Variants in TMEM117 observed in about 807,000 individuals in gnomAD.
TMEM117 encodes the protein transmembrane protein 117.
A neutral mutation model predicts 52.4 loss-of-function variants in TMEM117; 27 were observed. That is an observed-to-expected ratio of 0.51 (90% confidence interval 0.38 to 0.71). The LOEUF (loss-of-function observed/expected upper bound fraction) is 0.71. Ranked by LOEUF, TMEM117 falls within the 30% of genes least tolerant of loss-of-function variation. The pLI, the probability that TMEM117 is intolerant of heterozygous loss-of-function variation, is 0.00. For synonymous variants in TMEM117, 215 were observed against 206.3 expected (o/e 1.04, Z -0.36); for missense variants, 556 against 630.5 (o/e 0.88, Z 1.26).
intron 6 of TMEM117, among the ~76,000 whole-genome samples, chr12:44,300,367 G>A (rs1950824545): frequency 6.6e-6 from 1 of 152,220 alleles, no homozygotes; most frequent in African/African-American, 2.4e-5. Context: ...GAATGGGGCA[G>A]AAAGAGACAC....
At chr12:44,289,378 A>G (rs1423524447) in intron 5 of TMEM117, among the ~76,000 whole-genome samples, 1 of 151,980 alleles carries the variant, frequency 6.6e-6, no homozygotes, top group Admixed American at 6.6e-5. Flanking sequence ...TCATCAAGAT[A>G]CTGACTTAAT....
chr12:43,947,240 CAGG>C (rs1249868091), intron 3 of TMEM117, among the ~76,000 whole-genome samples: 2 of 152,080 alleles, frequency 1.3e-5, no homozygotes, highest in Non-Finnish European at 2.9e-5. Flanking sequence ...AAAGCTGAGG[CAGG>C]AGGATTGCTT....
intron 1 of TMEM117, 75 bp downstream of exon 1, chr12:43,836,271 C>T (rs1388175113): frequency 1.3e-5 from 2 of 152,362 alleles, no homozygotes; most frequent in Admixed American, 6.5e-5. Context: ...CCTCCCGGCC[C>T]TGCCGCCCGT....
chr12:44,337,014 G>A (rs76683080), intron 6 of TMEM117, among the ~76,000 whole-genome samples: 8 of 151,950 alleles, frequency 5.3e-5, no homozygotes, highest in Non-Finnish European at 1.2e-4. Flanking sequence ...CAGTGTCTTC[G>A]GTATCTTTTA....
chr12:44,322,322 G>A (rs1951142131), intron 6 of TMEM117, among the ~76,000 whole-genome samples: 1 of 152,034 alleles, frequency 6.6e-6, no homozygotes, highest in African/African-American at 2.4e-5. Context: ...ACCTAACGAG[G>A]CAAAAATGTA....
chr12:44,068,439 C>T (rs1947254154), intron 3 of TMEM117, among the ~76,000 whole-genome samples: 3 of 152,276 alleles, frequency 2.0e-5, no homozygotes, highest in South Asian at 4.1e-4. Flanking sequence ...AAACTCTTCC[C>T]TTCACTTGAA....
At chr12:44,272,186 T>A (rs1441774420) in intron 5 of TMEM117, among the ~76,000 whole-genome samples, 3 of 151,930 alleles carry the variant, frequency 2.0e-5, no homozygotes, top group Non-Finnish European at 4.4e-5. Context: ...CCTCAAAAAA[T>A]TAAAAATAAG....
At chr12:43,865,824 T>C (rs1313991585) in intron 2 of TMEM117, among the ~76,000 whole-genome samples, 1 of 151,748 alleles carries the variant, frequency 6.6e-6, no homozygotes, top group Non-Finnish European at 1.5e-5. Flanking sequence ...ATTAGCCAAA[T>C]CAGGCCTTCA....
intron 5 of TMEM117, among the ~76,000 whole-genome samples, chr12:44,216,935 A>G (rs1326510625): frequency 1.2e-4 from 19 of 152,112 alleles, no homozygotes; most frequent in Admixed American, 1.2e-3. Context: ...TCTTAATCAT[A>G]ATTATCTTAA....
In TMEM117 at chr12:44,299,624, C is replaced by T; in HGVS notation, c.653C>T (p.Thr218Ile). The stretch of plus-strand genomic sequence containing the variant: ...ACGTCTGTGGTTGTACTTGTGATTA[C>T]AACGGACTGGATCAGCTGGGACAAG... ...TLTSVVVLVI[T>I]TDWISWDKLN... is the part of the protein sequence containing the mutation. The change falls in exon 6 of 8, where the codon ACA becomes ATA. Residue 218 changes from threonine (T) to isoleucine (I), a missense_variant. Transcript: ENST00000266534. The T allele has an allele frequency of 6.2e-7, 1 of 1,614,196 alleles. No individual in the cohort carries two copies.
At chr12:44,240,194 T>C (rs1950044540) in intron 5 of TMEM117, among the ~76,000 whole-genome samples, 1 of 152,148 alleles carries the variant, frequency 6.6e-6, no homozygotes, top group African/African-American at 2.4e-5. Context: ...CCCAACCTCC[T>C]TATATTTTGC....
At chr12:44,216,615 G>T (rs1256448106) in intron 5 of TMEM117, among the ~76,000 whole-genome samples, 1 of 152,202 alleles carries the variant, frequency 6.6e-6, no homozygotes, top group Non-Finnish European at 1.5e-5. Context: ...TGGAAAGATG[G>T]TAATCTGAGT....
intron 3 of TMEM117, among the ~76,000 whole-genome samples, chr12:44,023,596 T>C (rs1169107890): frequency 2.0e-5 from 3 of 152,152 alleles, no homozygotes; most frequent in East Asian, 1.9e-4. Context: ...CATTTTTTCA[T>C]GTGTCTGTTG....
rs906969948 is a variant in TMEM117, at chr12:44,080,450, T to C, written c.411-63075T>C. ...ATTACCTCCCACCAGGTCCCTCCCA[T>C]GACACGTGGAGATTAGGGGAACTAA... On this transcript the variant is annotated intron_variant, in intron 3 of 7. Coordinates refer to ENST00000266534, the MANE Select transcript of TMEM117 (RefSeq NM_032256.3). Among the ~76,000 whole-genome samples, 5 of 152,118 alleles carry C rather than the reference T, an allele frequency of 3.3e-5. No individual in the cohort carries two copies. In the South Asian group the frequency reaches 6.2e-4, roughly 19 times the overall value.
intron 3 of TMEM117, among the ~76,000 whole-genome samples, chr12:43,968,968 G>A (rs957991633): frequency 2.6e-5 from 4 of 152,010 alleles, no homozygotes; most frequent in Non-Finnish European, 5.9e-5. Context: ...AGTAGGAAAT[G>A]AGTTTGAATT....
At chr12:44,239,210 G>C (rs2138475595) in intron 5 of TMEM117, among the ~76,000 whole-genome samples, 1 of 152,210 alleles carries the variant, frequency 6.6e-6, no homozygotes, top group African/African-American at 2.4e-5. Context: ...AATTTCATAA[G>C]CGTATCTTCT....
intron 6 of TMEM117, among the ~76,000 whole-genome samples, chr12:44,305,983 T>C (rs1314192313): frequency 6.6e-6 from 1 of 152,128 alleles, no homozygotes; most frequent in Non-Finnish European, 1.5e-5. Flanking sequence ...GCAACATGGA[T>C]TCATCTGGAG....
At position 44,104,775 on chromosome 12, in the gene TMEM117, C is replaced by T. The variant is rs1234798749; in HGVS notation, c.411-38750C>T. Among the ~76,000 whole-genome samples, 4 of 151,910 alleles carry T rather than the reference C, an allele frequency of 2.6e-5. No individual in the cohort carries two copies. In the South Asian group the frequency reaches 8.3e-4, roughly 31 times the overall value. On this transcript the variant is annotated intron_variant, in intron 3 of 7. Coordinates refer to ENST00000266534, the MANE Select transcript of TMEM117 (RefSeq NM_032256.3). ...GAATTCTAGACTGGTGTTATTTTTT[C>T]TCTCAATGCTTTTAACATTTCACTC...
At chr12:43,821,281 T>C in the TMEM117 span, among the ~76,000 whole-genome samples, 1 of 152,094 alleles carries the variant, frequency 6.6e-6, no homozygotes, top group South Asian at 2.1e-4. Context: ...AAAATACACA[T>C]AAGCACATGG....
Sources: allele counts gnomAD v4.1 joint callset (sites outside exome capture counted in the v4.1 genomes callset), GRCh38; gene constraint gnomAD v4.1.1; transcripts MANE v1.5; gene names NCBI Gene and HGNC (gene_info 2026-07-23, HGNC 2026-07-21).